VEPH1: variants seen among roughly 807,000 people sequenced by gnomAD.
VEPH1 encodes ventricular zone-expressed PH domain-containing protein homolog 1.
In VEPH1, 80 loss-of-function variants were observed where a neutral mutation model predicts 85.2. That is an observed-to-expected ratio of 0.94 (90% CI 0.78 to 1.13). The LOEUF is 1.13. Ranked by LOEUF, VEPH1 falls within the 50% of genes most tolerant of loss-of-function variation. VEPH1 has a pLI of 0.00. For missense variants in VEPH1, 955 were observed against 980.5 expected (o/e 0.97, Z 0.35); for synonymous variants, 297 against 348.0 (o/e 0.85, Z 1.63).
intron 7 of VEPH1, among the ~76,000 whole-genome samples, chr3:157,374,150 A>C (rs565798431): frequency 6.6e-6 from 1 of 152,210 alleles, no homozygotes; most frequent in Non-Finnish European, 1.5e-5. Flanking sequence ...AGACGGGCCC[A>C]AAACCGAAGC....
chr3:157,410,881 A>G (rs1731482556), intron 6 of VEPH1, among the ~76,000 whole-genome samples: 1 of 152,176 alleles, frequency 6.6e-6, no homozygotes, highest in Non-Finnish European at 1.5e-5. Flanking sequence ...TGAATTGACC[A>G]CCTGCAACAG....
At chr3:157,354,129 T>C (rs1725173243) in intron 9 of VEPH1, among the ~76,000 whole-genome samples, 1 of 152,172 alleles carries the variant, frequency 6.6e-6, no homozygotes, top group Admixed American at 6.5e-5. Context: ...GTCGCTGTGG[T>C]GAGGGATGCT....
At chr3:157,318,109 T>C (rs1720944349) in intron 9 of VEPH1, among the ~76,000 whole-genome samples, 1 of 152,140 alleles carries the variant, frequency 6.6e-6, no homozygotes, top group Non-Finnish European at 1.5e-5. Context: ...GAATGATGAA[T>C]GATGCTCAGA....
At chr3:157,272,807 ACT>A (rs1187688709) in intron 12 of VEPH1, among the ~76,000 whole-genome samples, 8 of 152,014 alleles carry the variant, frequency 5.3e-5, no homozygotes, top group African/African-American at 1.9e-4. Context: ...TTCTCAAAAC[ACT>A]CTCATAATAA....
chr3:157,300,641 T>TAAGAGGATTAAAAAGA (rs1373033477), intron 11 of VEPH1, among the ~76,000 whole-genome samples: 1 of 152,152 alleles, frequency 6.6e-6, no homozygotes, highest in Non-Finnish European at 1.5e-5. Context: ...CTAAAGGAGA[T>TAAGAGGATTAAAAAGA]AAGAGGATTA....
At chr3:157,301,469 A>G (rs1326105117) in intron 11 of VEPH1, among the ~76,000 whole-genome samples, 1 of 152,054 alleles carries the variant, frequency 6.6e-6, no homozygotes, top group Non-Finnish European at 1.5e-5. Flanking sequence ...ATTTTCACTC[A>G]TCTCTACAAT....
At chr3:157,457,213 T>A (rs139012139) in intron 4 of VEPH1, among the ~76,000 whole-genome samples, 11 of 152,278 alleles carry the variant, frequency 7.2e-5, no homozygotes, top group African/African-American at 2.6e-4. Context: ...GCTAGTGACT[T>A]TTGTACATTG....
chr3:157,445,835 A>C (rs1469696182), intron 4 of VEPH1, among the ~76,000 whole-genome samples: 1 of 152,156 alleles, frequency 6.6e-6, no homozygotes. Context: ...ACAACTACGC[A>C]CTTTATTCTC....
intron 11 of VEPH1, among the ~76,000 whole-genome samples, chr3:157,288,084 A>G (rs1297993673): frequency 1.3e-5 from 2 of 152,206 alleles, no homozygotes; most frequent in Non-Finnish European, 2.9e-5. Context: ...ACCAAATTAA[A>G]TAGCTCTACT....
At chr3:157,364,767 A>G (rs1726446122) in intron 7 of VEPH1, among the ~76,000 whole-genome samples, 1 of 152,234 alleles carries the variant, frequency 6.6e-6, no homozygotes, top group Non-Finnish European at 1.5e-5. Flanking sequence ...TTCAAAGAAT[A>G]AAAAGCAGTT....
intron 11 of VEPH1, among the ~76,000 whole-genome samples, chr3:157,313,058 C>A (rs1720298483): frequency 6.6e-6 from 1 of 151,434 alleles, no homozygotes; most frequent in South Asian, 2.1e-4. Flanking sequence ...GCGCCCGCTA[C>A]CACGCCCGGC....
chr3:157,281,533 G>T (rs970327044), intron 12 of VEPH1, among the ~76,000 whole-genome samples: 8 of 151,452 alleles, frequency 5.3e-5, no homozygotes, highest in African/African-American at 1.9e-4. Flanking sequence ...CATCAAAATC[G>T]AGTTTTCTTT....
At chr3:157,350,042 A>G (rs1724695202) in intron 9 of VEPH1, among the ~76,000 whole-genome samples, 2 of 152,178 alleles carry the variant, frequency 1.3e-5, no homozygotes, top group African/African-American at 4.8e-5. Context: ...ATGGAACCAT[A>G]AAAGACCCCA....
intron 6 of VEPH1, among the ~76,000 whole-genome samples, chr3:157,393,684 A>G (rs1730096395): frequency 6.6e-6 from 1 of 152,210 alleles, no homozygotes; most frequent in Non-Finnish European, 1.5e-5. Flanking sequence ...ACAGGAAATT[A>G]TCAATAACAT....
At chr3:157,468,300 A>T (rs78465852) in intron 3 of VEPH1, among the ~76,000 whole-genome samples, 1,895 of 152,342 alleles carry the variant, frequency 0.012, 44 homozygotes, top group African/African-American at 0.04. Flanking sequence ...CCATTTAGTG[A>T]TGCACTAAAA....
At chr3:157,287,999 C>T (rs1461559843) in intron 11 of VEPH1, among the ~76,000 whole-genome samples, 2 of 152,200 alleles carry the variant, frequency 1.3e-5, no homozygotes, top group Non-Finnish European at 2.9e-5. Flanking sequence ...TGGCACCATG[C>T]CAATGAGTTC....
chr3:157,265,427 G>A, intron 13 of VEPH1, 99 bp downstream of exon 13: 3 of 1,347,964 alleles, frequency 2.2e-6, no homozygotes, highest in Non-Finnish European at 3.0e-6. Flanking sequence ...AATGGAGATG[G>A]AAAAATTATT....
intron 9 of VEPH1, among the ~76,000 whole-genome samples, chr3:157,318,512 C>T (rs111958210): frequency 0.023 from 3,507 of 151,888 alleles, 128 homozygotes; most frequent in African/African-American, 0.081. Context: ...GGGGGCAGAG[C>T]AGGAGGTGGG....
intron 6 of VEPH1, among the ~76,000 whole-genome samples, chr3:157,391,085 C>G (rs1729809602): frequency 6.6e-6 from 1 of 152,226 alleles, no homozygotes; most frequent in Non-Finnish European, 1.5e-5. Flanking sequence ...AGATCTTGTA[C>G]TTTGTCACTC....
Sources: gnomAD v4.1 joint callset for allele counts (sites outside exome capture counted in the v4.1 genomes callset) on GRCh38, gnomAD v4.1.1 for gene constraint, MANE v1.5 for transcripts, NCBI Gene and HGNC (gene_info 2026-07-23, HGNC 2026-07-21) for gene names.